The following MSL2 variants were observed in gnomAD, a reference collection of about 807,000 sequenced individuals.
The protein encoded by MSL2 is E3 ubiquitin-protein ligase MSL2.
In MSL2, 2 loss-of-function variants were observed where a neutral mutation model predicts 35.8. That is an observed-to-expected ratio of 0.06 (90% CI 0.02 to 0.18). MSL2 has a LOEUF of 0.18. MSL2 is among the 10% of genes least tolerant of loss of function. The probability of loss-of-function intolerance (pLI) is 1.00; values close to 1 mark genes in which losing one functional copy is unlikely to be tolerated. For synonymous variants in MSL2, 296 were observed against 255.7 expected (o/e 1.16, Z -1.50); for missense variants, 523 against 706.7 (o/e 0.74, Z 2.95).
intron 1 of MSL2, among the ~76,000 whole-genome samples, chr3:136,164,199 C>A (rs1939779937): frequency 6.6e-6 from 1 of 152,108 alleles, no homozygotes; most frequent in Non-Finnish European, 1.5e-5. Flanking sequence ...AAATATACCA[C>A]CAAATCATGG....
chr3:136,180,923 G>A (rs1940339462), intron 1 of MSL2, among the ~76,000 whole-genome samples: 1 of 151,526 alleles, frequency 6.6e-6, no homozygotes, highest in African/African-American at 2.4e-5. Flanking sequence ...GAGCAGAGGA[G>A]GGTGGATCAT....
At chr3:136,176,202 C>G (rs770750255) in intron 1 of MSL2, among the ~76,000 whole-genome samples, 2 of 152,104 alleles carry the variant, frequency 1.3e-5, no homozygotes, top group Non-Finnish European at 2.9e-5. Context: ...ATTTTAAAGT[C>G]TAAACTTCTT....
chr3:136,169,821 C>T (rs1939969471), intron 1 of MSL2, among the ~76,000 whole-genome samples: 1 of 151,912 alleles, frequency 6.6e-6, no homozygotes, highest in South Asian at 2.1e-4. Flanking sequence ...CTTTGGGAGG[C>T]CAAGGTGGAT....
At chr3:136,164,859 A>C (rs962100337) in intron 1 of MSL2, among the ~76,000 whole-genome samples, 2 of 151,146 alleles carry the variant, frequency 1.3e-5, no homozygotes, top group Admixed American at 6.6e-5. Flanking sequence ...AAAAAGACTC[A>C]CTCAAAATAC....
In MSL2 at chr3:136,150,739, G is replaced by C. The variant is rs1939336026; in HGVS notation, c.*408C>G. 5.0e-5 allele frequency: 9 copies of C among 179,254 alleles called. No individual in the cohort carries two copies. In the South Asian group the frequency reaches 1.1e-3, roughly 22 times the overall value. 11.1% of individuals were successfully genotyped at this position (179,254 alleles called of 1,614,324 possible). On this transcript the variant is annotated 3_prime_UTR_variant, in exon 2 of 2. Coordinates refer to ENST00000309993, the MANE Select transcript of MSL2 (RefSeq NM_018133.4). ...ATCTGAAGGCAGCACTGAGTTTCCT[G>C]AACTAATGGCTACTTTTCCACAAAA...
chr3:136,170,353 C>CAAA (rs563047729), intron 1 of MSL2, among the ~76,000 whole-genome samples: 1 of 125,888 alleles, frequency 7.9e-6, no homozygotes, highest in Non-Finnish European at 1.6e-5. Context: ...AAATCCCTCT[C>CAAA]AAAAAAAAAA....
chr3:136,167,645 C>T (rs1321911375), intron 1 of MSL2, among the ~76,000 whole-genome samples: 3 of 152,122 alleles, frequency 2.0e-5, no homozygotes, highest in Admixed American at 1.3e-4. Context: ...TGAAATGCCA[C>T]TAACAGAAAG....
Position 136,189,108 on chromosome 3 carries a change from CAAAAAAAAAAAAA to C in MSL2, c.142+5851_142+5863del, listed in dbSNP as rs372715974. 6.8e-3 allele frequency among the ~76,000 whole-genome samples: 261 copies of C among 38,616 alleles called. 5 individuals carry two copies. The highest frequency in any genetic ancestry group is 0.025 in the African/African-American group (247 of 10,012). The allele number at this position is 38,616 out of a possible 152,430, so 25.3% of individuals were successfully genotyped here. On this transcript the variant is annotated intron_variant, in intron 1 of 1. Transcript: ENST00000309993. ...GCAACATGGTGAAACCCTGTCTCTA[CAAAAAAAAAAAAA>C]AAAAAAAAAAAAAAACACACACACA... is the stretch of plus-strand genomic sequence containing the variant.
intron 1 of MSL2, among the ~76,000 whole-genome samples, chr3:136,191,574 G>T (rs1358912713): frequency 6.6e-6 from 1 of 152,066 alleles, no homozygotes; most frequent in Non-Finnish European, 1.5e-5. Context: ...GAGCCTAGGA[G>T]TTCAAGACCT....
chr3:136,163,732 T>C (rs993170019), intron 1 of MSL2, among the ~76,000 whole-genome samples: 3 of 152,198 alleles, frequency 2.0e-5, no homozygotes, highest in African/African-American at 7.2e-5. Flanking sequence ...ACAGACCAGG[T>C]GGAGATAACT....
chr3:136,188,768 T>C (rs1409341645), intron 1 of MSL2, among the ~76,000 whole-genome samples: 1 of 150,510 alleles, frequency 6.6e-6, no homozygotes, highest in Non-Finnish European at 1.5e-5. Flanking sequence ...ACCACTTCTC[T>C]TGGCCCAGCT....
In MSL2 at chr3:136,195,058, T is replaced by C. The variant is rs761440902; in HGVS notation, c.56A>G (p.Asn19Ser). The change falls in exon 1 of 2, where the codon AAC (asparagine) becomes AGC (serine). Residue 19 changes from asparagine (N) to serine (S), a missense_variant. Asn to Ser is a conservative substitution (Grantham distance 46). Coordinates refer to ENST00000309993, the MANE Select transcript of MSL2 (RefSeq NM_018133.4). ...CGCCTTGGGGTCTCCGGGGTCGTAGTTGAGCACTAGGCGGCTCGCGGAAAT... is the reference window on the plus strand; with the variant it reads ...CGCCTTGGGGTCTCCGGGGTCGTAGCTGAGCACTAGGCGGCTCGCGGAAAT... ...LYISASRLVLNYDPGDPKAFT... is the reference protein window; with the variant it reads ...LYISASRLVLSYDPGDPKAFT... 10 of 1,614,098 alleles carry C rather than the reference T, an allele frequency of 6.2e-6. No individual in the cohort carries two copies. The highest frequency in any genetic ancestry group is 7.6e-6 in the Non-Finnish European group (9 of 1,180,008).
At chr3:136,174,692 T>A (rs769103815) in intron 1 of MSL2, among the ~76,000 whole-genome samples, 15 of 152,194 alleles carry the variant, frequency 9.9e-5, no homozygotes, top group Non-Finnish European at 1.9e-4. Context: ...TAACTTCAAT[T>A]TTTAAAGTTA....
At chr3:136,161,967 T>C (rs1424557560) in intron 1 of MSL2, among the ~76,000 whole-genome samples, 2 of 151,834 alleles carry the variant, frequency 1.3e-5, no homozygotes, top group Non-Finnish European at 2.9e-5. Flanking sequence ...AGACGGAGTC[T>C]TTCTCTGTCG....
At chr3:136,179,364 G>A (rs1940273209) in intron 1 of MSL2, among the ~76,000 whole-genome samples, 1 of 151,886 alleles carries the variant, frequency 6.6e-6, no homozygotes, top group African/African-American at 2.4e-5. Flanking sequence ...TTATTTTCTG[G>A]TAGAGACAGG....
chr3:136,159,916 A>T (rs918394089), intron 1 of MSL2, among the ~76,000 whole-genome samples: 1 of 152,056 alleles, frequency 6.6e-6, no homozygotes, highest in African/African-American at 2.4e-5. Context: ...AAAAAAAAAT[A>T]GTTAAATGGA....
In MSL2 at chr3:136,150,068, A is replaced by G. The variant is rs1939307356; in HGVS notation, c.*1079T>C. ...AACTGAAACATACTTTGTGCTTTAC[A>G]TGCAAAAGAGCATTCTAAAGAAAAT... On this transcript the variant is annotated 3_prime_UTR_variant, in exon 2 of 2. Coordinates refer to ENST00000309993, the MANE Select transcript of MSL2 (RefSeq NM_018133.4). 3 of 152,664 alleles carry G rather than the reference A, an allele frequency of 2.0e-5. No individual in the cohort carries two copies. The highest frequency in any genetic ancestry group is 4.4e-5 in the Non-Finnish European group (3 of 68,050). The allele number at this position is 152,664 out of a possible 1,614,324, so 9.5% of individuals were successfully genotyped here. A position where few individuals can be genotyped will look rare whatever the true frequency, so the allele number is the denominator to read the frequency against.
At chr3:136,176,962 G>T (rs1394903556) in intron 1 of MSL2, among the ~76,000 whole-genome samples, 1 of 152,180 alleles carries the variant, frequency 6.6e-6, no homozygotes, top group Non-Finnish European at 1.5e-5. Context: ...AAAGAGAAAT[G>T]AACTTGAGAC....
Position 136,152,626 on chromosome 3 carries a change from T to C in MSL2, c.255A>G (p.Lys85=). The C allele has an allele frequency of 6.2e-7, 1 of 1,614,226 alleles. No homozygotes were observed. The highest frequency in any genetic ancestry group is 8.5e-7 in the Non-Finnish European group (1 of 1,180,040). ...MMMKPSCSWC[K]DYEQFEENKQ... ...TGTTTTCCTCAAACTGCTCATAGTC[T>C]TTGCACCAGCTACAGGAAGGTTTCA... Residue 85 remains lysine, a synonymous_variant, in exon 2 of 2, where the codon AAA becomes AAG. Coordinates refer to ENST00000309993, the MANE Select transcript of MSL2 (RefSeq NM_018133.4).
Sources: gnomAD v4.1 joint callset for allele counts (sites outside exome capture counted in the v4.1 genomes callset) on GRCh38, gnomAD v4.1.1 for gene constraint, MANE v1.5 for transcripts, NCBI Gene and HGNC (gene_info 2026-07-23, HGNC 2026-07-21) for gene names.